The following FRMD6 variants were observed in gnomAD, a reference collection of about 807,000 sequenced individuals.
FRMD6 encodes FERM domain-containing protein 6.
A neutral mutation model predicts 73.2 loss-of-function variants in FRMD6; 37 were observed. That is an observed-to-expected ratio of 0.51 (90% CI 0.39 to 0.66). The LOEUF (loss-of-function observed/expected upper bound fraction) is 0.66, where lower values mean the gene tolerates loss of function less well. Ranked by LOEUF, FRMD6 falls within the 30% of genes least tolerant of loss-of-function variation. The pLI, the probability that FRMD6 is intolerant of heterozygous loss-of-function variation, is 0.00. For missense variants in FRMD6, 714 were observed against 780.5 expected, an observed-to-expected ratio of 0.91 and a Z score of 1.02; for synonymous variants, 273 against 282.2, an observed-to-expected ratio of 0.97 and a Z score of 0.33.
At chr14:51,618,749 A>G (rs1330618188) in intron 2 of FRMD6, among the ~76,000 whole-genome samples, 2 of 152,124 alleles carry the variant, frequency 1.3e-5, no homozygotes, top group Non-Finnish European at 2.9e-5. Context: ...GGGTGGGAAG[A>G]TGATTACTTG....
the FRMD6 span, among the ~76,000 whole-genome samples, chr14:51,432,266 G>A: frequency 0.019 from 2,833 of 152,244 alleles, 90 homozygotes; most frequent in African/African-American, 0.065. Flanking sequence ...ATTCTGGTCT[G>A]ACTATATACA....
chr14:51,525,879 G>A (rs965114310), intron 1 of FRMD6, among the ~76,000 whole-genome samples: 2 of 152,138 alleles, frequency 1.3e-5, no homozygotes, highest in African/African-American at 4.8e-5. Flanking sequence ...CTGCCCTCAG[G>A]AAGTTGACAG....
chr14:51,637,254 A>G (rs1024713645), intron 2 of FRMD6: 5 of 152,168 alleles, frequency 3.3e-5, no homozygotes, highest in African/African-American at 1.2e-4. Context: ...TTCACATTTA[A>G]AAAATAAATC....
At chr14:51,640,735 T>C (rs190901338) in intron 2 of FRMD6, among the ~76,000 whole-genome samples, 1 of 152,346 alleles carries the variant, frequency 6.6e-6, no homozygotes, top group East Asian at 1.9e-4. Flanking sequence ...ATTGGTTTGA[T>C]TTATACAAAC....
chr14:51,671,568 A>G (rs1050690605), intron 1 of FRMD6, among the ~76,000 whole-genome samples: 1 of 152,198 alleles, frequency 6.6e-6, no homozygotes, highest in Non-Finnish European at 1.5e-5. Flanking sequence ...ACAGCAGGAC[A>G]GCAGTTTGAA....
the FRMD6 span, among the ~76,000 whole-genome samples, chr14:51,399,919 T>C: frequency 6.6e-6 from 1 of 152,080 alleles, no homozygotes; most frequent in South Asian, 2.1e-4. Context: ...TATGCTTCAA[T>C]GTGCAGAGAA....
At chr14:51,401,494 G>T in the FRMD6 span, among the ~76,000 whole-genome samples, 1 of 152,134 alleles carries the variant, frequency 6.6e-6, no homozygotes, top group African/African-American at 2.4e-5. Flanking sequence ...GAAATGCAAG[G>T]TCCCTCTGCA....
At chr14:51,466,528 C>A in the FRMD6 span, among the ~76,000 whole-genome samples, 4 of 152,164 alleles carry the variant, frequency 2.6e-5, no homozygotes, top group African/African-American at 7.2e-5. Flanking sequence ...CCCATTGAAT[C>A]ATTTTGGCAC....
the FRMD6 span, among the ~76,000 whole-genome samples, chr14:51,451,052 G>A: frequency 6.6e-6 from 1 of 152,198 alleles, no homozygotes; most frequent in Non-Finnish European, 1.5e-5. Flanking sequence ...TTGAACCTCA[G>A]TTGAATCTTG....
At chr14:51,510,679 G>A (rs1024727504) in intron 1 of FRMD6, among the ~76,000 whole-genome samples, 10 of 151,952 alleles carry the variant, frequency 6.6e-5, no homozygotes, top group Non-Finnish European at 8.8e-5. Flanking sequence ...TAAATCACGC[G>A]TTGACCAGAG....
chr14:51,601,282 G>C (rs191747688), intron 2 of FRMD6, among the ~76,000 whole-genome samples: 3,761 of 152,224 alleles, frequency 0.025, 76 homozygotes, highest in Middle Eastern at 0.082. Context: ...TTAGTTTCCC[G>C]AGACCACCTT....
At chr14:51,579,219 C>T (rs1213448385) in intron 2 of FRMD6, 1 of 152,268 alleles carries the variant, frequency 6.6e-6, no homozygotes, top group African/African-American at 2.4e-5. Context: ...ATTTCCCTCC[C>T]TGGATTCCAA....
chr14:51,510,599 T>A (rs1314905821), intron 1 of FRMD6, among the ~76,000 whole-genome samples: 1 of 152,238 alleles, frequency 6.6e-6, no homozygotes, highest in Non-Finnish European at 1.5e-5. Context: ...TATTTATCAC[T>A]GGTGTACCAC....
At chr14:51,520,983 T>C (rs554977562) in intron 1 of FRMD6, among the ~76,000 whole-genome samples, 2 of 152,318 alleles carry the variant, frequency 1.3e-5, no homozygotes, top group Admixed American at 6.5e-5. Context: ...ATCTCAAAGA[T>C]ATTATGCTGA....
chr14:51,408,864 G>A, the FRMD6 span, among the ~76,000 whole-genome samples: 41 of 152,036 alleles, frequency 2.7e-4, no homozygotes, highest in African/African-American at 9.7e-4. Flanking sequence ...TTTTGCACAA[G>A]GATCCAAATG....
the FRMD6 span, among the ~76,000 whole-genome samples, chr14:51,444,370 G>A: frequency 6.6e-6 from 1 of 152,230 alleles, no homozygotes; most frequent in Non-Finnish European, 1.5e-5. Flanking sequence ...GGTCTGGGAG[G>A]TGAAGATGAG....
the FRMD6 span, among the ~76,000 whole-genome samples, chr14:51,457,346 T>A: frequency 6.6e-6 from 1 of 151,892 alleles, no homozygotes; most frequent in Non-Finnish European, 1.5e-5. Flanking sequence ...AAGTATATGA[T>A]GACTAGAAAA....
In FRMD6 at chr14:51,720,140, G is replaced by T; in HGVS notation, c.1110G>T (p.Gly370=). Residue 370 remains glycine, a synonymous_variant, in exon 11 of 14, where the codon GGG becomes GGT. Transcript: ENST00000344768. ...DQLEKRSRAS[G]SSAGSMKHKR... is the part of the protein sequence containing the mutation. ...TGGAAAAACGGTCGCGGGCCAGCGG[G>T]AGCAGTGCGGGCAGCATGAAACACA... 1 of 1,613,894 alleles carries T rather than the reference G, an allele frequency of 6.2e-7. No homozygotes were observed. The highest frequency in any genetic ancestry group is 8.5e-7 in the Non-Finnish European group (1 of 1,180,040).
intron 1 of FRMD6, among the ~76,000 whole-genome samples, chr14:51,659,067 A>G (rs1280015156): frequency 1.3e-5 from 2 of 152,204 alleles, no homozygotes; most frequent in African/African-American, 4.8e-5. Context: ...TATTGAAGAC[A>G]GCATAGAAGA....
Sources: gnomAD v4.1 joint callset for allele counts (sites outside exome capture counted in the v4.1 genomes callset) on GRCh38, gnomAD v4.1.1 for gene constraint, MANE v1.5 for transcripts, NCBI Gene and HGNC (gene_info 2026-07-23, HGNC 2026-07-21) for gene names.